THEMIS: variants seen among roughly 807,000 people sequenced by gnomAD.
THEMIS encodes the protein protein THEMIS.
In THEMIS, 37 loss-of-function variants were observed where a neutral mutation model predicts 52.6. The ratio of observed to expected loss-of-function variants is 0.70; its 90% confidence interval spans 0.54 to 0.93. The LOEUF (loss-of-function observed/expected upper bound fraction) is 0.93. THEMIS is among the 40% of genes least tolerant of loss of function. The pLI, the probability that THEMIS is intolerant of heterozygous loss-of-function variation, is 0.00. For missense variants in THEMIS, 808 were observed against 763.1 expected (o/e 1.06, Z -0.69); for synonymous variants, 292 against 272.7 (o/e 1.07, Z -0.70).
At position 127,829,470 on chromosome 6, in the gene THEMIS, A is replaced by G; in HGVS notation, c.709+6T>C. The stretch of plus-strand genomic sequence containing the variant: ...TCATAGAACATCATTCTCAGTGGAT[A>G]CTCACATTTCATCACACCTTGAATT... On this transcript the variant is annotated splice_donor_region_variant and intron_variant, in intron 3 of 5. Coordinates refer to ENST00000368248, the MANE Select transcript of THEMIS (RefSeq NM_001010923.3). The G allele has an allele frequency of 6.3e-7, 1 of 1,586,958 alleles. No homozygotes were observed. The highest frequency in any genetic ancestry group is 8.6e-7 in the Non-Finnish European group (1 of 1,168,034).
intron 1 of THEMIS, among the ~76,000 whole-genome samples, chr6:127,918,020 T>C (rs1052693297): frequency 6.6e-5 from 10 of 152,204 alleles, no homozygotes; most frequent in African/African-American, 1.2e-4. Flanking sequence ...AAAGTCCTCA[T>C]TGCAAGGATA....
chr6:127,873,065 T>C (rs1780204026), intron 1 of THEMIS, among the ~76,000 whole-genome samples: 1 of 152,200 alleles, frequency 6.6e-6, no homozygotes, highest in Non-Finnish European at 1.5e-5. Flanking sequence ...AATGAAATAC[T>C]TAGTCATCAG....
intron 2 of THEMIS, among the ~76,000 whole-genome samples, chr6:127,845,223 C>T (rs1438247398): frequency 2.0e-5 from 3 of 151,838 alleles, no homozygotes; most frequent in Non-Finnish European, 2.9e-5. Flanking sequence ...TCTTTATTTA[C>T]AAAGAAGTAA....
intron 2 of THEMIS, among the ~76,000 whole-genome samples, chr6:127,832,587 T>C (rs2114669485): frequency 6.6e-6 from 1 of 152,226 alleles, no homozygotes; most frequent in Middle Eastern, 3.4e-3. Flanking sequence ...CCAACTTTTT[T>C]TTCATCTTTT....
chr6:127,779,907 C>G (rs912254673), intron 4 of THEMIS, among the ~76,000 whole-genome samples: 1 of 152,068 alleles, frequency 6.6e-6, no homozygotes, highest in African/African-American at 2.4e-5. Context: ...AGGTATATTT[C>G]TTCCATAACT....
At chr6:127,810,299 C>G (rs1479482571) in intron 4 of THEMIS, among the ~76,000 whole-genome samples, 1 of 151,932 alleles carries the variant, frequency 6.6e-6, no homozygotes, top group East Asian at 1.9e-4. Flanking sequence ...TTGCTAGATA[C>G]TAGAGGCAAC....
At chr6:127,844,211 TG>T (rs1328413540) in intron 2 of THEMIS, among the ~76,000 whole-genome samples, 2 of 152,006 alleles carry the variant, frequency 1.3e-5, no homozygotes, top group African/African-American at 4.8e-5. Flanking sequence ...AATTACTTGG[TG>T]ATTCTGTTTT....
chr6:127,916,460 T>C (rs1781529781), intron 1 of THEMIS, among the ~76,000 whole-genome samples: 1 of 152,136 alleles, frequency 6.6e-6, no homozygotes, highest in African/African-American at 2.4e-5. Context: ...TAATGGTGCC[T>C]TCCTATCCCA....
chr6:127,913,522 T>G (rs1265295715), intron 1 of THEMIS, among the ~76,000 whole-genome samples: 1 of 152,220 alleles, frequency 6.6e-6, no homozygotes. Flanking sequence ...TTTAATTGAA[T>G]AATCTGAACC....
At chr6:127,764,342 A>G (rs574489587) in intron 4 of THEMIS, among the ~76,000 whole-genome samples, 9 of 151,496 alleles carry the variant, frequency 5.9e-5, no homozygotes, top group African/African-American at 2.2e-4. Context: ...TTTTTACTAT[A>G]GTAACGTCCA....
intron 2 of THEMIS, among the ~76,000 whole-genome samples, chr6:127,842,012 G>C (rs1388150828): frequency 6.6e-6 from 1 of 151,950 alleles, no homozygotes; most frequent in Non-Finnish European, 1.5e-5. Context: ...TCTGAGTCAT[G>C]TTTTATCATA....
chr6:127,818,133 A>C (rs1245075310), intron 3 of THEMIS, among the ~76,000 whole-genome samples: 1 of 152,138 alleles, frequency 6.6e-6, no homozygotes, highest in Non-Finnish European at 1.5e-5. Context: ...ACCCAACTCC[A>C]ACCTTCTCTG....
intron 4 of THEMIS, among the ~76,000 whole-genome samples, chr6:127,771,363 C>T (rs1776379035): frequency 1.3e-5 from 2 of 152,008 alleles, no homozygotes; most frequent in Admixed American, 6.6e-5. Context: ...GATTCAATGC[C>T]ATCCCCATTA....
At chr6:127,820,837 T>G (rs560577418) in intron 3 of THEMIS, among the ~76,000 whole-genome samples, 27 of 152,170 alleles carry the variant, frequency 1.8e-4, no homozygotes, top group African/African-American at 6.5e-4. Flanking sequence ...TTTTAAGTTT[T>G]CCACAGTCAA....
chr6:127,871,767 T>A (rs1336429395), intron 1 of THEMIS, among the ~76,000 whole-genome samples: 1 of 152,134 alleles, frequency 6.6e-6, no homozygotes, highest in Non-Finnish European at 1.5e-5. Flanking sequence ...ATAGATAACT[T>A]GTTCAGTCCG....
chr6:127,767,063 G>A (rs1306467311), intron 4 of THEMIS, among the ~76,000 whole-genome samples: 2 of 151,848 alleles, frequency 1.3e-5, no homozygotes, highest in Non-Finnish European at 2.9e-5. Flanking sequence ...ATGCAAATAT[G>A]CTGTACAGAT....
At chr6:127,895,680 C>T (rs186565162) in intron 1 of THEMIS, among the ~76,000 whole-genome samples, 7 of 151,366 alleles carry the variant, frequency 4.6e-5, no homozygotes, top group Admixed American at 4.6e-4. Context: ...ATAAACTATG[C>T]TCATGGATAA....
Position 127,708,777 on chromosome 6 carries a change from T to C in THEMIS, c.*1208A>G, listed in dbSNP as rs1427299212. The C allele has an allele frequency of 6.6e-6, 1 of 152,006 alleles. No individual in the cohort carries two copies. The highest frequency in any genetic ancestry group is 1.9e-4 in the East Asian group (1 of 5,182). 9.4% of individuals were successfully genotyped at this position (152,006 alleles called of 1,614,324 possible). On this transcript the variant is annotated 3_prime_UTR_variant, in exon 6 of 6. Coordinates refer to ENST00000368248, the MANE Select transcript of THEMIS (RefSeq NM_001010923.3). ...AGGTAAAGTAAGCTTAATCAGAATATAAACATTGAAAAAACTCTAATTTTT... is the reference window on the plus strand; with the variant it reads ...AGGTAAAGTAAGCTTAATCAGAATACAAACATTGAAAAAACTCTAATTTTT...
chr6:127,865,646 A>T (rs1237990444), intron 1 of THEMIS, among the ~76,000 whole-genome samples: 1 of 152,148 alleles, frequency 6.6e-6, no homozygotes, highest in African/African-American at 2.4e-5. Flanking sequence ...TAATATAAAC[A>T]ATTATTTTCC....
Sources: allele counts gnomAD v4.1 joint callset (sites outside exome capture counted in the v4.1 genomes callset), GRCh38; gene constraint gnomAD v4.1.1; transcripts MANE v1.5; gene names NCBI Gene and HGNC (gene_info 2026-07-23, HGNC 2026-07-21).